Variants in MLIP observed in about 807,000 individuals in gnomAD.
MLIP encodes muscular LMNA interacting protein.
Under a neutral mutation model 84.8 loss-of-function variants are expected in MLIP, and 79 were observed. That is an observed-to-expected ratio of 0.93 (90% CI 0.78 to 1.12). The LOEUF is 1.12. Among genes scored for constraint, MLIP ranks in the 50% most tolerant of loss-of-function variants. The pLI is 0.00. For synonymous variants in MLIP, 504 were observed against 463.0 expected, an observed-to-expected ratio of 1.09 and a Z score of -1.14; for missense variants, 1,257 against 1,160.6, an observed-to-expected ratio of 1.08 and a Z score of -1.21.
chr6:54,208,720 AAT>A (rs1423456872), intron 11 of MLIP, among the ~76,000 whole-genome samples: 1 of 152,214 alleles, frequency 6.6e-6, no homozygotes, highest in Non-Finnish European at 1.5e-5. Flanking sequence ...AGATGGTAAC[AAT>A]CACATACCTT....
intron 11 of MLIP, among the ~76,000 whole-genome samples, chr6:54,207,782 T>C (rs1396074518): frequency 6.6e-6 from 1 of 152,240 alleles, no homozygotes; most frequent in East Asian, 1.9e-4. Context: ...ATGATGTTTG[T>C]ATGTATATTT....
At chr6:54,171,220 A>G (rs1775740828) in intron 9 of MLIP, among the ~76,000 whole-genome samples, 1 of 151,628 alleles carries the variant, frequency 6.6e-6, no homozygotes, top group African/African-American at 2.4e-5. Context: ...ATCAGATTTA[A>G]TTAAAGTAGG....
intron 11 of MLIP, among the ~76,000 whole-genome samples, chr6:54,221,994 A>G (rs192705308): frequency 3.3e-5 from 5 of 152,220 alleles, no homozygotes; most frequent in Admixed American, 3.3e-4. Flanking sequence ...TTGCTTTTTC[A>G]TGAAACTTTA....
intron 1 of MLIP, among the ~76,000 whole-genome samples, chr6:54,119,227 G>A (rs1770223157): frequency 6.6e-6 from 1 of 152,198 alleles, no homozygotes; most frequent in Non-Finnish European, 1.5e-5. Context: ...ATATGGAAGA[G>A]ATAACTGCAC....
chr6:54,166,932 GCT>G (rs1775257315), intron 8 of MLIP, among the ~76,000 whole-genome samples: 1 of 151,636 alleles, frequency 6.6e-6, no homozygotes, highest in South Asian at 2.1e-4. Context: ...GTAGAATTTC[GCT>G]CTTTCATTTG....
intron 11 of MLIP, among the ~76,000 whole-genome samples, chr6:54,212,942 A>G (rs1447887813): frequency 6.6e-6 from 1 of 152,216 alleles, no homozygotes; most frequent in African/African-American, 2.4e-5. Flanking sequence ...TATACTTAAT[A>G]AGAAGGCTAA....
At chr6:54,149,254 T>C in intron 5 of MLIP, 127 bp downstream of exon 5, 1 of 810,314 alleles carries the variant, frequency 1.2e-6, no homozygotes, top group Non-Finnish European at 2.0e-6. Context: ...ATTCCATTCT[T>C]AGTTTAGGAT....
At chr6:54,217,130 A>C (rs1206269946) in intron 11 of MLIP, 1 of 985,350 alleles carries the variant, frequency 1.0e-6, no homozygotes, top group East Asian at 1.1e-4. Flanking sequence ...GAAAGGCTCC[A>C]GTAATTTTAC....
intron 1 of MLIP, among the ~76,000 whole-genome samples, chr6:54,097,936 T>C (rs1768331618): frequency 6.6e-6 from 1 of 152,060 alleles, no homozygotes; most frequent in South Asian, 2.1e-4. Context: ...CCATGGTTGC[T>C]CAATATTAGA....
chr6:54,098,063 C>T lies in MLIP; in HGVS notation c.64-23384C>T, dbSNP rs149463780. Among the ~76,000 whole-genome samples, 330 of 151,224 alleles carry T rather than the reference C, an allele frequency of 2.2e-3. 2 individuals carry two copies. The highest frequency in any genetic ancestry group is 7.3e-3 in the African/African-American group (301 of 41,200). On this transcript the variant is annotated intron_variant, in intron 1 of 12. Transcript: ENST00000274897. ...GCACTGAAACCATGAGAGTAGAGAA[C>T]ATGAGAGAAGAGAGTCATGGAGGAG...
intron 1 of MLIP, among the ~76,000 whole-genome samples, chr6:54,085,381 T>C (rs1767418520): frequency 6.6e-6 from 1 of 152,184 alleles, no homozygotes; most frequent in African/African-American, 2.4e-5. Flanking sequence ...GCATCAGAAT[T>C]CCCACTTATT....
At chr6:54,212,139 C>T (rs1248419043) in intron 11 of MLIP, among the ~76,000 whole-genome samples, 2 of 152,174 alleles carry the variant, frequency 1.3e-5, no homozygotes, top group Admixed American at 1.3e-4. Flanking sequence ...CATTTCTAGA[C>T]ATTTCTTCTT....
At chr6:54,070,505 T>C (rs111533226) in intron 1 of MLIP, among the ~76,000 whole-genome samples, 25 of 152,320 alleles carry the variant, frequency 1.6e-4, no homozygotes, top group African/African-American at 5.8e-4. Context: ...CTTTTGTTTC[T>C]GGAAAAGGCA....
At chr6:54,224,772 A>T (rs149369342) in intron 11 of MLIP, among the ~76,000 whole-genome samples, 1 of 151,154 alleles carries the variant, frequency 6.6e-6, no homozygotes, top group African/African-American at 2.4e-5. Context: ...AGTTCATTGT[A>T]TCATTCTTAG....
intron 10 of MLIP, among the ~76,000 whole-genome samples, chr6:54,198,879 T>C (rs990025606): frequency 2.4e-4 from 4 of 16,350 alleles, no homozygotes; most frequent in Non-Finnish European, 9.9e-4. Flanking sequence ...TGTGTGTGTC[T>C]GTGTGTGTGT....
intron 13 of MLIP, among the ~76,000 whole-genome samples, chr6:54,259,249 T>C (rs1351893484): frequency 6.6e-6 from 1 of 151,790 alleles, no homozygotes. Flanking sequence ...TTCAGTATGA[T>C]AGTGGCAAAT....
chr6:54,024,930 C>T (rs1046493947), intron 1 of MLIP, among the ~76,000 whole-genome samples: 6 of 151,842 alleles, frequency 4.0e-5, no homozygotes, highest in African/African-American at 7.3e-5. Flanking sequence ...CTCTGCCTCC[C>T]GGGTTCAAGC....
intron 11 of MLIP, among the ~76,000 whole-genome samples, chr6:54,223,953 A>G (rs1018312314): frequency 2.1e-4 from 32 of 151,860 alleles, no homozygotes; most frequent in African/African-American, 7.0e-4. Flanking sequence ...TAATGTAAAA[A>G]TGCTAAATGA....
chr6:54,231,470 T>C (rs777604350), intron 12 of MLIP, among the ~76,000 whole-genome samples: 3 of 77,602 alleles, frequency 3.9e-5, no homozygotes, highest in Non-Finnish European at 8.2e-5. Context: ...TGTGTGTGCG[T>C]GTGTGTGCGT....
Sources: gnomAD v4.1 joint callset for allele counts (sites outside exome capture counted in the v4.1 genomes callset) on GRCh38, gnomAD v4.1.1 for gene constraint, MANE v1.5 for transcripts, NCBI Gene and HGNC (gene_info 2026-07-23, HGNC 2026-07-21) for gene names.